Variants in LHFPL2 observed in about 807,000 individuals in gnomAD.
The protein encoded by LHFPL2 is LHFPL tetraspan subfamily member 2.
A neutral mutation model predicts 17.5 loss-of-function variants in LHFPL2; 7 were observed. That is an observed-to-expected ratio of 0.40 (90% confidence interval 0.23 to 0.75). The LOEUF (loss-of-function observed/expected upper bound fraction) is 0.75, where lower values mean the gene tolerates loss of function less well. Ranked by LOEUF, LHFPL2 falls within the 30% of genes least tolerant of loss-of-function variation. LHFPL2 has a pLI of 0.37. For missense variants in LHFPL2, 241 were observed against 294.8 expected, an observed-to-expected ratio of 0.82 and a Z score of 1.34; for synonymous variants, 134 against 116.2, an observed-to-expected ratio of 1.15 and a Z score of -0.99.
intron 4 of LHFPL2, chr5:78,494,525 A>G: frequency 1.0e-6 from 1 of 985,390 alleles, no homozygotes. Context: ...ACATGATTCA[A>G]CCTTATCTGT....
intron 2 of LHFPL2, among the ~76,000 whole-genome samples, chr5:78,607,318 G>A (rs1156754334): frequency 6.6e-6 from 1 of 151,710 alleles, no homozygotes; most frequent in Non-Finnish European, 1.5e-5. Context: ...TCACCATGTT[G>A]GCCAGGCTGG....
chr5:78,532,889 A>G (rs893934476), intron 3 of LHFPL2, among the ~76,000 whole-genome samples: 7 of 152,200 alleles, frequency 4.6e-5, no homozygotes, highest in Non-Finnish European at 8.8e-5. Flanking sequence ...GTTTTCCCCA[A>G]TGGTGAGCCA....
In LHFPL2 at chr5:78,648,362, G is replaced by C. The variant is rs1313925553; in HGVS notation, c.-350+137C>G. On this transcript the variant is annotated intron_variant, in intron 1 of 4. Coordinates refer to ENST00000380345, the MANE Select transcript of LHFPL2 (RefSeq NM_005779.3). This position sits in a 1 kb window ranked among gnomAD's most constrained non-coding sequence, Gnocchi z 5.4. Reference sequence around the variant, plus strand: ...CCCAGGGCGCCGAAGCGAAGTTCCCGCGCCAGCCGCGGCTCAAGCAGCCAG... The same window carrying C: ...CCCAGGGCGCCGAAGCGAAGTTCCCCCGCCAGCCGCGGCTCAAGCAGCCAG... The C allele has an allele frequency of 1.3e-5, 2 of 151,954 alleles. No homozygotes were observed. Among genetic ancestry groups the C allele is most frequent in the African/African-American group, 4.8e-5 (2 of 41,406 alleles). 9.4% of individuals were successfully genotyped at this position (151,954 alleles called of 1,614,324 possible).
intron 2 of LHFPL2, among the ~76,000 whole-genome samples, chr5:78,576,534 G>C (rs1757142026): frequency 6.6e-6 from 1 of 152,172 alleles, no homozygotes; most frequent in Admixed American, 6.5e-5. Flanking sequence ...GGGCAGTGGA[G>C]GGAGGGAAAC....
In LHFPL2 at chr5:78,488,813, A is replaced by G. The variant is rs1754337330; in HGVS notation, c.*84T>C. On this transcript the variant is annotated 3_prime_UTR_variant, in exon 5 of 5. Coordinates refer to ENST00000380345, the MANE Select transcript of LHFPL2 (RefSeq NM_005779.3). The stretch of plus-strand genomic sequence containing the variant: ...AACGTGGCTTTGGTAGGTAAAGGTT[A>G]GTTCTCCACTTGACTCAAATGATGA... 4.7e-6 allele frequency: 7 copies of G among 1,495,690 alleles called. No individual in the cohort carries two copies. In the South Asian group the frequency reaches 8.5e-5, roughly 18 times the overall value. The allele number at this position is 1,495,690 out of a possible 1,614,324, so 92.7% of individuals were successfully genotyped here.
At chr5:78,592,670 T>TAC (rs371054360) in intron 2 of LHFPL2, among the ~76,000 whole-genome samples, 46 of 55,898 alleles carry the variant, frequency 8.2e-4, no homozygotes, top group Admixed American at 1.3e-3. Context: ...AAAATTCAGA[T>TAC]ACACACACAC....
At chr5:78,543,596 T>C (rs921169541) in intron 3 of LHFPL2, among the ~76,000 whole-genome samples, 1 of 152,134 alleles carries the variant, frequency 6.6e-6, no homozygotes, top group African/African-American at 2.4e-5. Context: ...ACCCCAGGCC[T>C]GGCCTTCTGG....
At chr5:78,623,341 C>T (rs746104944) in intron 2 of LHFPL2, among the ~76,000 whole-genome samples, 1 of 152,068 alleles carries the variant, frequency 6.6e-6, no homozygotes, top group Non-Finnish European at 1.5e-5. Flanking sequence ...AAGTTGAAAC[C>T]CCATTAATAC....
intron 1 of LHFPL2, among the ~76,000 whole-genome samples, chr5:78,633,330 C>T (rs77461227): frequency 6.6e-6 from 1 of 152,256 alleles, no homozygotes; most frequent in Admixed American, 6.5e-5. Flanking sequence ...CAGGCAGACA[C>T]CAGCTCAGTG....
chr5:78,529,477 G>A (rs1755715642), intron 3 of LHFPL2, among the ~76,000 whole-genome samples: 1 of 152,182 alleles, frequency 6.6e-6, no homozygotes, highest in South Asian at 2.1e-4. Context: ...CATTGCCCCT[G>A]GAAAGCATTT....
chr5:78,507,564 A>G (rs367998563), intron 4 of LHFPL2, among the ~76,000 whole-genome samples: 12 of 152,180 alleles, frequency 7.9e-5, no homozygotes, highest in Non-Finnish European at 1.5e-5. Flanking sequence ...TTGCTTCTGA[A>G]TGACTGCCAA....
At chr5:78,497,088 AC>A (rs1242475030) in intron 4 of LHFPL2, among the ~76,000 whole-genome samples, 1 of 152,198 alleles carries the variant, frequency 6.6e-6, no homozygotes, top group Non-Finnish European at 1.5e-5. Flanking sequence ...CACCTTGTCC[AC>A]CTGATCTCAA....
intron 4 of LHFPL2, among the ~76,000 whole-genome samples, chr5:78,507,219 A>G (rs1031634812): frequency 6.6e-6 from 1 of 152,128 alleles, no homozygotes; most frequent in East Asian, 1.9e-4. Context: ...CATCCCAGGT[A>G]CTTGGGAGGC....
At chr5:78,562,532 G>A (rs890471355) in intron 3 of LHFPL2, among the ~76,000 whole-genome samples, 1 of 152,052 alleles carries the variant, frequency 6.6e-6, no homozygotes, top group Admixed American at 6.6e-5. Context: ...CTACTTGGGA[G>A]GCTGAGGCAG....
intron 3 of LHFPL2, among the ~76,000 whole-genome samples, chr5:78,532,139 G>A (rs571608136): frequency 1.3e-5 from 2 of 152,084 alleles, no homozygotes; most frequent in Non-Finnish European, 2.9e-5. Flanking sequence ...GGCCAGGCTG[G>A]TCTCGGATTC....
At chr5:78,589,401 C>T (rs957810104) in intron 2 of LHFPL2, among the ~76,000 whole-genome samples, 2 of 148,262 alleles carry the variant, frequency 1.3e-5, no homozygotes, top group Non-Finnish European at 3.0e-5. Context: ...ACCCGGGAGG[C>T]AGAGGCTGCA....
At chr5:78,573,877 A>G (rs1324488306) in intron 2 of LHFPL2, among the ~76,000 whole-genome samples, 2 of 152,218 alleles carry the variant, frequency 1.3e-5, no homozygotes, top group East Asian at 3.8e-4. Context: ...AGAAGTGTGT[A>G]AGTTTTAGAA....
intron 3 of LHFPL2, among the ~76,000 whole-genome samples, chr5:78,521,016 G>A (rs532816364): frequency 1.3e-5 from 2 of 152,274 alleles, no homozygotes; most frequent in Admixed American, 6.5e-5. Flanking sequence ...AGTCTTAACC[G>A]TTTTTAAAAG....
chr5:78,566,704 C>T (rs771596332), intron 2 of LHFPL2, among the ~76,000 whole-genome samples: 7 of 152,192 alleles, frequency 4.6e-5, no homozygotes, highest in Non-Finnish European at 1.0e-4. Context: ...GTGATCCACC[C>T]GCCCCGGCCT....
Sources: gnomAD v4.1 joint callset for allele counts (sites outside exome capture counted in the v4.1 genomes callset) on GRCh38, gnomAD v4.1.1 for gene constraint, Gnocchi (gnomAD v3.1) non-coding constraint, MANE v1.5 for transcripts, NCBI Gene and HGNC (gene_info 2026-07-23, HGNC 2026-07-21) for gene names.